ERBB4: variants seen among roughly 807,000 people sequenced by gnomAD.
ERBB4 encodes erb-b2 receptor tyrosine kinase 4, also known as receptor tyrosine-protein kinase erbB-4.
Under a neutral mutation model 158.0 loss-of-function variants are expected in ERBB4, and 42 were observed. That is an observed-to-expected ratio of 0.27 (90% CI 0.21 to 0.34). The LOEUF is 0.34. ERBB4 is among the 10% of genes least tolerant of loss of function. The probability of loss-of-function intolerance (pLI) is 1.00; values close to 1 mark genes in which losing one functional copy is unlikely to be tolerated. For synonymous variants in ERBB4, 583 were observed against 558.7 expected (o/e 1.04, Z -0.61); for missense variants, 1,333 against 1,624.1 (o/e 0.82, Z 3.08).
At chr2:211,568,045 T>C (rs16846465) in intron 19 of ERBB4, among the ~76,000 whole-genome samples, 8,466 of 152,192 alleles carry the variant, frequency 0.056, 254 homozygotes, top group Middle Eastern at 0.11. Flanking sequence ...AAAATGTCGC[T>C]GAAGACCATG....
At chr2:211,625,652 T>C (rs562541030) in intron 17 of ERBB4, among the ~76,000 whole-genome samples, 44 of 152,302 alleles carry the variant, frequency 2.9e-4, no homozygotes, top group African/African-American at 1.0e-3. Flanking sequence ...TTCAAAATGA[T>C]TGCTCAACTG....
In ERBB4 at chr2:211,824,683, T is replaced by G. The variant is rs193211115; in HGVS notation, c.422-36524A>C. ...ATTTACAATAGAAAAGAAATGAACT[T>G]GACAATGATGATTTGATTGTCAAAA... On this transcript the variant is annotated intron_variant, in intron 3 of 27. Coordinates refer to ENST00000342788, the MANE Select transcript of ERBB4 (RefSeq NM_005235.3). Among the ~76,000 whole-genome samples the G allele has an allele frequency of 2.6e-4, 40 of 150,954 alleles. 1 individual carries two copies. Among genetic ancestry groups the G allele is most frequent in the African/African-American group, 8.8e-4 (36 of 41,086 alleles).
At chr2:212,051,175 A>G (rs913135547) in intron 2 of ERBB4, among the ~76,000 whole-genome samples, 3 of 152,086 alleles carry the variant, frequency 2.0e-5, no homozygotes. Flanking sequence ...GAAAGGTAAT[A>G]TTTGGGTTGT....
intron 3 of ERBB4, among the ~76,000 whole-genome samples, chr2:211,807,935 T>C (rs539461625): frequency 2.0e-5 from 3 of 152,312 alleles, no homozygotes; most frequent in African/African-American, 7.2e-5. Flanking sequence ...TTCTGAGAAG[T>C]TTCTGTTCAT....
chr2:211,433,622 G>A (rs2063791157), intron 20 of ERBB4, among the ~76,000 whole-genome samples: 1 of 152,032 alleles, frequency 6.6e-6, no homozygotes, highest in East Asian at 1.9e-4. Flanking sequence ...AGAGATTATT[G>A]TTGGATTCTT....
intron 3 of ERBB4, among the ~76,000 whole-genome samples, chr2:211,881,374 A>C (rs1482983016): frequency 6.6e-6 from 1 of 152,198 alleles, no homozygotes; most frequent in Non-Finnish European, 1.5e-5. Flanking sequence ...AACAAAGAGC[A>C]GCCTGAAATA....
intron 3 of ERBB4, among the ~76,000 whole-genome samples, chr2:211,904,951 G>A (rs79068836): frequency 0.016 from 2,416 of 152,180 alleles, 49 homozygotes; most frequent in African/African-American, 0.055. Flanking sequence ...ACTGACTCAG[G>A]CAAATGGCTC....
At chr2:212,337,812 T>C (rs2088516429) in intron 1 of ERBB4, among the ~76,000 whole-genome samples, 1 of 152,112 alleles carries the variant, frequency 6.6e-6, no homozygotes, top group African/African-American at 2.4e-5. Context: ...TTCAAAGGTT[T>C]TGTTTTCAAA....
intron 20 of ERBB4, among the ~76,000 whole-genome samples, chr2:211,532,538 G>C (rs1458563498): frequency 1.3e-5 from 2 of 151,916 alleles, no homozygotes; most frequent in Admixed American, 6.6e-5. Flanking sequence ...GAATCTGGGA[G>C]AAAAAAGGAG....
At chr2:211,594,803 A>G (rs749848087) in intron 19 of ERBB4, among the ~76,000 whole-genome samples, 1 of 152,200 alleles carries the variant, frequency 6.6e-6, no homozygotes, top group Admixed American at 6.5e-5. Flanking sequence ...GCATTCTTTT[A>G]TGTATTCTTT....
chr2:211,680,012 T>A (rs770001932), intron 12 of ERBB4, among the ~76,000 whole-genome samples: 4 of 152,220 alleles, frequency 2.6e-5, no homozygotes, highest in Non-Finnish European at 4.4e-5. Flanking sequence ...CCTGCTGTAT[T>A]CTGGCTAGGT....
chr2:211,987,330 C>CAAAAAAAAAAAAAAAAAAAAAAAA (rs564412801), intron 2 of ERBB4, among the ~76,000 whole-genome samples: 1 of 56,182 alleles, frequency 1.8e-5, no homozygotes, highest in African/African-American at 4.3e-5. Context: ...CAAGAAAAGA[C>CAAAAAAAAAAAAAAAAAAAAAAAA]AAAAAAAAAA....
chr2:211,996,965 C>G (rs944523780), intron 2 of ERBB4, among the ~76,000 whole-genome samples: 3 of 152,154 alleles, frequency 2.0e-5, no homozygotes, highest in South Asian at 2.1e-4. Context: ...TAAGGACAAA[C>G]CATCACGATG....
At chr2:212,511,568 G>A (rs577141440) in intron 1 of ERBB4, among the ~76,000 whole-genome samples, 5 of 151,916 alleles carry the variant, frequency 3.3e-5, no homozygotes, top group East Asian at 1.9e-4. Context: ...TTATTTTCAC[G>A]TCTCTTTCAG....
chr2:212,432,054 G>A (rs2092041891), intron 1 of ERBB4, among the ~76,000 whole-genome samples: 1 of 152,128 alleles, frequency 6.6e-6, no homozygotes, highest in Non-Finnish European at 1.5e-5. Flanking sequence ...ATTAGAGCAT[G>A]TATTGAAATC....
chr2:211,524,196 T>C (rs149525391), intron 20 of ERBB4, among the ~76,000 whole-genome samples: 196 of 152,122 alleles, frequency 1.3e-3, no homozygotes, highest in African/African-American at 4.6e-3. Context: ...AGAGTGTCGA[T>C]TGGTGCATTC....
At chr2:212,520,106 T>A (rs1394375209) in intron 1 of ERBB4, among the ~76,000 whole-genome samples, 1 of 151,966 alleles carries the variant, frequency 6.6e-6, no homozygotes, top group Admixed American at 6.6e-5. Context: ...AAAAATATAA[T>A]TTAAACATAT....
intron 5 of ERBB4, among the ~76,000 whole-genome samples, chr2:211,744,261 T>G (rs75608793): frequency 1.5e-3 from 225 of 152,242 alleles, no homozygotes; most frequent in African/African-American, 5.3e-3. Flanking sequence ...CCCAAAAAAG[T>G]ACACAAAATA....
chr2:212,428,939 T>C (rs1174065518), intron 1 of ERBB4, among the ~76,000 whole-genome samples: 1 of 152,166 alleles, frequency 6.6e-6, no homozygotes, highest in East Asian at 1.9e-4. Context: ...AACCCCAGTG[T>C]ATCAGTCAGA....
Sources: gnomAD v4.1 joint callset for allele counts (sites outside exome capture counted in the v4.1 genomes callset) on GRCh38, gnomAD v4.1.1 for gene constraint, MANE v1.5 for transcripts, NCBI Gene and HGNC (gene_info 2026-07-23, HGNC 2026-07-21) for gene names.